ZHX2: variants seen among roughly 807,000 people sequenced by gnomAD.
ZHX2 encodes the protein zinc fingers and homeoboxes 2, also known as zinc fingers and homeoboxes protein 2.
In ZHX2, 6 loss-of-function variants were observed where a neutral mutation model predicts 21.9. That is an observed-to-expected ratio of 0.27 (90% CI 0.15 to 0.54). The LOEUF (loss-of-function observed/expected upper bound fraction) is 0.54, where lower values mean the gene tolerates loss of function less well. Among genes scored for constraint, ZHX2 ranks in the 20% least tolerant of loss-of-function variants. The probability of loss-of-function intolerance (pLI) is 0.95; values close to 1 mark genes in which losing one functional copy is unlikely to be tolerated. For missense variants in ZHX2, 908 were observed against 1,090.7 expected (o/e 0.83, Z 2.36); for synonymous variants, 434 against 437.1 (o/e 0.99, Z 0.09).
chr8:122,875,764 C>G (rs2129736171), intron 2 of ZHX2, among the ~76,000 whole-genome samples: 1 of 152,374 alleles, frequency 6.6e-6, no homozygotes, highest in African/African-American at 2.4e-5. Context: ...TGAGATGGGA[C>G]AGAACCAGGA....
intron 1 of ZHX2, among the ~76,000 whole-genome samples, chr8:122,847,163 A>T (rs958683313): frequency 3.3e-5 from 5 of 152,110 alleles, no homozygotes; most frequent in Non-Finnish European, 7.4e-5. Flanking sequence ...TTCCAAAGGG[A>T]CTTACATTTG....
chr8:122,848,148 G>A (rs377244419), intron 1 of ZHX2, among the ~76,000 whole-genome samples: 127 of 152,246 alleles, frequency 8.3e-4, no homozygotes, highest in African/African-American at 2.3e-3. Flanking sequence ...TGAGTATAGC[G>A]GTGAAACCTC....
chr8:122,847,580 G>A lies in ZHX2; in HGVS notation c.-282-15897G>A, dbSNP rs187796715. On this transcript the variant is annotated intron_variant, in intron 1 of 3. Transcript: ENST00000314393. ...AGGCCCAGTGCCAAGCCCAGAGCAGGTGCCCTGACACACTGTACAGCTGGC... is the reference window on the plus strand; with the variant it reads ...AGGCCCAGTGCCAAGCCCAGAGCAGATGCCCTGACACACTGTACAGCTGGC... Among the ~76,000 whole-genome samples, 12 of 152,332 alleles carry A rather than the reference G, an allele frequency of 7.9e-5. No individual in the cohort carries two copies. The East Asian group carries it at 2.3e-3, about 29-fold the overall frequency.
At chr8:122,936,799 G>A (rs60950110) in intron 2 of ZHX2, among the ~76,000 whole-genome samples, 4,293 of 152,296 alleles carry the variant, frequency 0.028, 182 homozygotes, top group African/African-American at 0.098. Context: ...TGGCGAGATA[G>A]CCACTGGTGC....
In ZHX2 at chr8:122,781,713, CCTTTTTTTTTTT is replaced by C. The variant is rs1213358881; in HGVS notation, c.-510_-499del. The C allele has an allele frequency of 5.9e-5, 9 of 151,312 alleles. No individual in the cohort carries two copies. The highest frequency in any genetic ancestry group is 1.0e-4 in the Non-Finnish European group (7 of 67,666). The allele number at this position is 151,312 out of a possible 1,614,324, so 9.4% of individuals were successfully genotyped here. On this transcript the variant is annotated 5_prime_UTR_variant, in exon 1 of 4. Coordinates refer to ENST00000314393, the MANE Select transcript of ZHX2 (RefSeq NM_014943.5). The surrounding 1 kb of genome is among the most constrained non-coding windows in gnomAD (Gnocchi z 4.6). The stretch of plus-strand genomic sequence containing the variant: ...AGGCATTTTTTTTCCCTTTTTTTTT[CCTTTTTTTTTTT>C]CTTTTAAAAATTTTGGCCATCGTTC...
intron 1 of ZHX2, among the ~76,000 whole-genome samples, chr8:122,787,783 C>T (rs2130522209): frequency 6.6e-6 from 1 of 152,330 alleles, no homozygotes. Flanking sequence ...GCTACAGCCC[C>T]TCCTTGTCCT....
chr8:122,883,702 A>G (rs923001487), intron 2 of ZHX2, among the ~76,000 whole-genome samples: 2 of 152,256 alleles, frequency 1.3e-5, no homozygotes, highest in African/African-American at 4.8e-5. Flanking sequence ...AGTACAGTCA[A>G]TGTGGTACTT....
chr8:122,841,383 TA>T (rs772790740), intron 1 of ZHX2, among the ~76,000 whole-genome samples: 6 of 152,184 alleles, frequency 3.9e-5, no homozygotes, highest in Non-Finnish European at 7.3e-5. Context: ...AGGCCTTCTC[TA>T]AGGCCTAGAG....
intron 2 of ZHX2, among the ~76,000 whole-genome samples, chr8:122,910,613 A>T (rs565008861): frequency 6.6e-6 from 1 of 152,154 alleles, no homozygotes; most frequent in East Asian, 1.9e-4. Context: ...GGCATTTTTT[A>T]TGCGTACTTT....
At chr8:122,856,631 G>C (rs1819030398) in intron 1 of ZHX2, among the ~76,000 whole-genome samples, 1 of 152,128 alleles carries the variant, frequency 6.6e-6, no homozygotes, top group Non-Finnish European at 1.5e-5. Flanking sequence ...TCTGCCAGCA[G>C]CCGTGTTGGA....
At chr8:122,816,079 C>CAAAA (rs71310626) in intron 1 of ZHX2, among the ~76,000 whole-genome samples, 2 of 90,248 alleles carry the variant, frequency 2.2e-5, no homozygotes, top group South Asian at 4.3e-4. Context: ...GACTCCGTCT[C>CAAAA]AAAAAAAAAA....
chr8:122,919,696 TC>T (rs1297238254), intron 2 of ZHX2, among the ~76,000 whole-genome samples: 1 of 152,192 alleles, frequency 6.6e-6, no homozygotes, highest in Non-Finnish European at 1.5e-5. Context: ...AATGGTAGCA[TC>T]CCGTTTTGCA....
chr8:122,791,206 C>T (rs1028969536), intron 1 of ZHX2, among the ~76,000 whole-genome samples: 5 of 152,218 alleles, frequency 3.3e-5, no homozygotes, highest in Non-Finnish European at 7.3e-5. Context: ...CACGATTTTC[C>T]CCAATTTATT....
intron 1 of ZHX2, among the ~76,000 whole-genome samples, chr8:122,838,573 ATTT>A (rs34833602): frequency 2.5e-5 from 3 of 117,884 alleles, no homozygotes; most frequent in African/African-American, 3.3e-5. Context: ...TAGTAATGTG[ATTT>A]TTTTTTTTTT....
intron 2 of ZHX2, among the ~76,000 whole-genome samples, chr8:122,907,396 C>G (rs924031052): frequency 3.3e-5 from 5 of 152,084 alleles, no homozygotes; most frequent in Non-Finnish European, 7.4e-5. Context: ...ATAGGTGAGA[C>G]ACAAATGGTT....
intron 1 of ZHX2, among the ~76,000 whole-genome samples, chr8:122,854,785 C>A (rs964398301): frequency 2.0e-5 from 3 of 152,176 alleles, no homozygotes; most frequent in Non-Finnish European, 4.4e-5. Context: ...CAAGGCACCC[C>A]ATAAGAGACA....
chr8:122,831,830 T>A (rs1586593444), intron 1 of ZHX2, among the ~76,000 whole-genome samples: 1 of 152,160 alleles, frequency 6.6e-6, no homozygotes, highest in East Asian at 1.9e-4. Flanking sequence ...GTGGAACACA[T>A]AATGAGAATT....
At chr8:122,960,633 A>G (rs759370987) in intron 3 of ZHX2, among the ~76,000 whole-genome samples, 146 of 152,142 alleles carry the variant, frequency 9.6e-4, no homozygotes, top group Non-Finnish European at 1.6e-3. Flanking sequence ...CTGGGCAGAG[A>G]GGAGGGGAAG....
At chr8:122,870,062 G>A (rs1378520625) in intron 2 of ZHX2, among the ~76,000 whole-genome samples, 1 of 152,196 alleles carries the variant, frequency 6.6e-6, no homozygotes, top group Non-Finnish European at 1.5e-5. Context: ...GTTCAGGGAG[G>A]CTTTCAATTA....
Sources: gnomAD v4.1 joint callset for allele counts (sites outside exome capture counted in the v4.1 genomes callset) on GRCh38, gnomAD v4.1.1 for gene constraint, Gnocchi (gnomAD v3.1) non-coding constraint, MANE v1.5 for transcripts, NCBI Gene and HGNC (gene_info 2026-07-23, HGNC 2026-07-21) for gene names.